The following PCDHGA1 variants were observed in gnomAD, a reference collection of about 807,000 sequenced individuals.
The protein encoded by PCDHGA1 is protocadherin gamma subfamily A, 1.
Under a neutral mutation model 58.0 loss-of-function variants are expected in PCDHGA1, and 32 were observed. The observed-to-expected ratio is 0.55, with a 90% CI of 0.42 to 0.74. The LOEUF (loss-of-function observed/expected upper bound fraction) is 0.74, where lower values mean the gene tolerates loss of function less well. PCDHGA1 is among the 30% of genes least tolerant of loss of function. The pLI is 0.00. For missense variants in PCDHGA1, 1,205 were observed against 1,182.3 expected, an observed-to-expected ratio of 1.02 and a Z score of -0.28; for synonymous variants, 498 against 501.1, an observed-to-expected ratio of 0.99 and a Z score of 0.08.
chr5:141,383,093 G>A, intron 1 of PCDHGA1: 1 of 1,613,930 alleles, frequency 6.2e-7, no homozygotes, highest in Non-Finnish European at 8.5e-7. Flanking sequence ...CGCGGAGTCC[G>A]CATCATCTCC....
intron 1 of PCDHGA1, among the ~76,000 whole-genome samples, chr5:141,407,531 T>C (rs757019162): frequency 3.3e-5 from 5 of 151,462 alleles, no homozygotes; most frequent in South Asian, 2.1e-4. Context: ...TAACTTATTG[T>C]GCATTGGTAA....
intron 1 of PCDHGA1, chr5:141,387,823 A>G: frequency 6.3e-7 from 1 of 1,581,002 alleles, no homozygotes; most frequent in South Asian, 1.2e-5. Context: ...AATCTGCAAT[A>G]CAGAGGTTAT....
intron 1 of PCDHGA1, chr5:141,423,477 C>T (rs376147466): frequency 1.5e-5 from 24 of 1,613,872 alleles, no homozygotes; most frequent in Non-Finnish European, 1.9e-5. Flanking sequence ...TACAGGCTTT[C>T]CTGCAAACCT....
intron 1 of PCDHGA1, among the ~76,000 whole-genome samples, chr5:141,430,066 G>C (rs550834063): frequency 6.6e-6 from 1 of 151,984 alleles, no homozygotes; most frequent in Non-Finnish European, 1.5e-5. Flanking sequence ...TCATTTTTAG[G>C]TTTCCATAAT....
rs776721321 is a variant in PCDHGA1, at chr5:141,431,084, C to A, written c.2422-63723C>A. ...CAAGTGTCAATTAAATCTAGACATT[C>A]TGATGGAGGATAAAGTGAAAATATA... is the stretch of plus-strand genomic sequence containing the variant. On this transcript the variant is annotated intron_variant, in intron 1 of 3. Coordinates refer to ENST00000517417, the MANE Select transcript of PCDHGA1 (RefSeq NM_018912.3). This position sits in a 1 kb window ranked among gnomAD's most constrained non-coding sequence, Gnocchi z 4.8. The A allele has an allele frequency of 1.2e-6, 2 of 1,614,060 alleles. No homozygotes were observed. Among genetic ancestry groups the A allele is most frequent in the Non-Finnish European group, 1.7e-6 (2 of 1,180,002 alleles).
chr5:141,475,705 A>G (rs2099367264), intron 1 of PCDHGA1, among the ~76,000 whole-genome samples: 1 of 152,246 alleles, frequency 6.6e-6, no homozygotes. Flanking sequence ...CAGAACGGCT[A>G]GCCTCACAGC....
At chr5:141,353,115 C>A (rs1759192459) in intron 1 of PCDHGA1, among the ~76,000 whole-genome samples, 4 of 152,014 alleles carry the variant, frequency 2.6e-5, no homozygotes, top group South Asian at 2.1e-4. Context: ...ATGGAGATTG[C>A]TTTCTTGATT....
At chr5:141,495,814 T>C (rs2099764028) in intron 2 of PCDHGA1, among the ~76,000 whole-genome samples, 1 of 152,134 alleles carries the variant, frequency 6.6e-6, no homozygotes, top group Non-Finnish European at 1.5e-5. Context: ...TCCTAGCGCC[T>C]TGTGTTCTTC....
chr5:141,374,589 G>C, intron 1 of PCDHGA1: 3 of 1,613,676 alleles, frequency 1.9e-6, no homozygotes, highest in Non-Finnish European at 1.7e-6. Context: ...TCCCTTCAGG[G>C]ATTTAAGCTC....
chr5:141,333,216 T>A, intron 1 of PCDHGA1, 111 bp downstream of exon 1: 1 of 1,488,310 alleles, frequency 6.7e-7, no homozygotes, highest in Non-Finnish European at 9.1e-7. Flanking sequence ...TGTATCTTTG[T>A]AGCTTTTTAT....
At position 141,340,512 on chromosome 5, in the gene PCDHGA1, T is replaced by C. The variant is rs781570825; in HGVS notation, c.2421+7407T>C. On this transcript the variant is annotated intron_variant, in intron 1 of 3. Coordinates refer to ENST00000517417, the MANE Select transcript of PCDHGA1 (RefSeq NM_018912.3). ...TCTATCAACTCCGACACTGGAGTACTCTATGCACTGCGCTCCTTTGATTAT... is the reference window on the plus strand; with the variant it reads ...TCTATCAACTCCGACACTGGAGTACCCTATGCACTGCGCTCCTTTGATTAT... 3 of 1,614,242 alleles carry C rather than the reference T, an allele frequency of 1.9e-6. No homozygotes were observed. The East Asian group carries it at 6.7e-5, about 36-fold the overall frequency.
rs1226194073 is a variant in PCDHGA1, at chr5:141,490,496, A to G, written c.2422-4311A>G. The G allele has an allele frequency of 6.2e-7, 1 of 1,614,096 alleles. No individual in the cohort carries two copies. Among genetic ancestry groups the G allele is most frequent in the East Asian group, 2.2e-5 (1 of 44,894 alleles). On this transcript the variant is annotated intron_variant, in intron 1 of 3. Coordinates refer to ENST00000517417, the MANE Select transcript of PCDHGA1 (RefSeq NM_018912.3). The surrounding 1 kb of genome is among the most constrained non-coding windows in gnomAD (Gnocchi z 5.4). ...CCTTTGGACCGGGAGGCCACATCCCACTATATCATCGAGCTGCTGGCCAGC... is the reference window on the plus strand; with the variant it reads ...CCTTTGGACCGGGAGGCCACATCCCGCTATATCATCGAGCTGCTGGCCAGC...
At position 141,477,160 on chromosome 5, in the gene PCDHGA1, C is replaced by G. The variant is rs768436526; in HGVS notation, c.2422-17647C>G. 2 of 1,614,186 alleles carry G rather than the reference C, an allele frequency of 1.2e-6. No homozygotes were observed. Among genetic ancestry groups the G allele is most frequent in the Admixed American group, 1.7e-5 (1 of 60,020 alleles). On this transcript the variant is annotated intron_variant, in intron 1 of 3. Transcript: ENST00000517417. The surrounding 1 kb of genome is among the most constrained non-coding windows in gnomAD (Gnocchi z 4.9). ...TGGAGGTTGTGGATGTGAATGACAA[C>G]GCCCCGGAGATCACAGTCACCTCCG...
In PCDHGA1 at chr5:141,511,829, G is replaced by A. The variant is rs1181369164; in HGVS notation, c.*656G>A. 1 of 156,774 alleles carries A rather than the reference G, an allele frequency of 6.4e-6. No individual in the cohort carries two copies. Among genetic ancestry groups the A allele is most frequent in the Non-Finnish European group, 1.4e-5 (1 of 70,652 alleles). The allele number at this position is 156,774 out of a possible 1,614,324, so 9.7% of individuals were successfully genotyped here. Reference sequence around the variant, plus strand: ...TACCAAGCCTCTTCCCAACGCCCTGGGGACCAGTCTTCTGTTTTGTTTTTC... The same window carrying A: ...TACCAAGCCTCTTCCCAACGCCCTGAGGACCAGTCTTCTGTTTTGTTTTTC... On this transcript the variant is annotated 3_prime_UTR_variant, in exon 4 of 4. Transcript: ENST00000517417.
intron 1 of PCDHGA1, chr5:141,373,829 A>T: frequency 2.5e-6 from 1 of 403,392 alleles, no homozygotes; most frequent in Non-Finnish European, 4.4e-6. Flanking sequence ...ACGATGCAGT[A>T]TTAAGTTAGG....
At position 141,393,312 on chromosome 5, in the gene PCDHGA1, C is replaced by T. The variant is rs1308410982; in HGVS notation, c.2421+60207C>T. 8 of 1,613,494 alleles carry T rather than the reference C, an allele frequency of 5.0e-6. No homozygotes were observed. The East Asian group carries it at 8.9e-5, about 18-fold the overall frequency. On this transcript the variant is annotated intron_variant, in intron 1 of 3. Coordinates refer to ENST00000517417, the MANE Select transcript of PCDHGA1 (RefSeq NM_018912.3). ...TGACCCGGATGTGGGCGTGAACTCC[C>T]TCCAGAGCTACCAGCTCAGCCCCAA... is the stretch of plus-strand genomic sequence containing the variant.
At chr5:141,351,774 C>G (rs1758816161) in intron 1 of PCDHGA1, 4 of 1,613,410 alleles carry the variant, frequency 2.5e-6, no homozygotes, top group Non-Finnish European at 3.4e-6. Flanking sequence ...TCCGTGAGCC[C>G]GCAGAGCGGG....
At chr5:141,450,810 AT>A (rs755484062) in intron 1 of PCDHGA1, among the ~76,000 whole-genome samples, 1 of 136,728 alleles carries the variant, frequency 7.3e-6, no homozygotes, top group Admixed American at 7.3e-5. Context: ...TTATTTATTT[AT>A]TTAATATTAT....
chr5:141,502,098 G>T (rs1341016516), intron 2 of PCDHGA1, among the ~76,000 whole-genome samples: 2 of 152,108 alleles, frequency 1.3e-5, no homozygotes, highest in Non-Finnish European at 2.9e-5. Flanking sequence ...ACCTGGCCTT[G>T]ACCCTGCACC....
Sources: allele counts gnomAD v4.1 joint callset (sites outside exome capture counted in the v4.1 genomes callset), GRCh38; gene constraint gnomAD v4.1.1; non-coding constraint Gnocchi (gnomAD v3.1); transcripts MANE v1.5; gene names NCBI Gene and HGNC (gene_info 2026-07-23, HGNC 2026-07-21).